The following RFX1 variants were observed in gnomAD, a reference collection of about 807,000 sequenced individuals.
RFX1 encodes MHC class II regulatory factor RFX1.
RFX1 carries 42 observed loss-of-function variants against 119.6 expected under a neutral mutation model. The observed-to-expected ratio is 0.35, with a 90% confidence interval of 0.27 to 0.45. RFX1 has a LOEUF of 0.45. RFX1 is among the 20% of genes least tolerant of loss of function. RFX1 has a pLI of 1.00. For missense variants in RFX1, 1,118 were observed against 1,368.1 expected (o/e 0.82, Z 2.88); for synonymous variants, 628 against 618.5 (o/e 1.02, Z -0.23).
rs1355649146 is a variant in RFX1, at chr19:13,965,826, GC to G, written c.1962-50del. ...GGTCACTGGGGTACTCTATGGTCCT[GC>G]CCCCATCGTCAGAAGGGAACAGGTA... On this transcript the variant is annotated intron_variant, in intron 14 of 20. Coordinates refer to ENST00000254325, the MANE Select transcript of RFX1 (RefSeq NM_002918.5). This position sits in a 1 kb window ranked among gnomAD's most constrained non-coding sequence, Gnocchi z 4.7. 1 of 1,596,088 alleles carries G rather than the reference GC, an allele frequency of 6.3e-7. No homozygotes were observed. Among genetic ancestry groups the G allele is most frequent in the South Asian group, 1.1e-5 (1 of 89,378 alleles).
intron 2 of RFX1, among the ~76,000 whole-genome samples, chr19:13,984,074 C>T (rs1745322767): frequency 6.6e-6 from 1 of 151,784 alleles, no homozygotes; most frequent in African/African-American, 2.4e-5. Flanking sequence ...TCTTGCTAGC[C>T]TGTGGCCAAG....
chr19:13,973,067 G>A lies in RFX1; in HGVS notation c.990C>T (p.Ser330=). 1.2e-6 allele frequency: 2 copies of A among 1,601,838 alleles called. No homozygotes were observed. Among genetic ancestry groups the A allele is most frequent in the East Asian group, 2.2e-5 (1 of 44,870 alleles). The part of the protein sequence containing the change: ...TPLYTQTAST[S]YYEAAGTATQ... ...TGGCCGTGCCTGCGGCCTCGTAGTA[G>A]CTGGTGCTTGCCGTCTGCGTGTACA... The change falls in exon 9 of 21, where the codon AGC becomes AGT. Residue 330 remains serine (S), a synonymous_variant. Coordinates refer to ENST00000254325, the MANE Select transcript of RFX1 (RefSeq NM_002918.5).
chr19:13,980,163 C>T lies in RFX1; in HGVS notation c.738+410G>A, dbSNP rs547936280. The stretch of plus-strand genomic sequence containing the variant: ...TGCGCAGCCCCAGCATCTTAACCTG[C>T]GCCGGCTCAGGGCTCTGCCTCCTGC... On this transcript the variant is annotated intron_variant, in intron 6 of 20. Transcript: ENST00000254325. This position sits in a 1 kb window ranked among gnomAD's most constrained non-coding sequence, Gnocchi z 5.1. Among the ~76,000 whole-genome samples, 3 of 152,178 alleles carry T rather than the reference C, an allele frequency of 2.0e-5. No homozygotes were observed. The highest frequency in any genetic ancestry group is 2.9e-5 in the Non-Finnish European group (2 of 68,028).
In RFX1 at chr19:13,968,744, C is replaced by T. The variant is rs1599478481; in HGVS notation, c.1616+31G>A. 3 of 1,608,886 alleles carry T rather than the reference C, an allele frequency of 1.9e-6. No homozygotes were observed. Among genetic ancestry groups the T allele is most frequent in the African/African-American group, 1.3e-5 (1 of 74,998 alleles). On this transcript the variant is annotated intron_variant, in intron 11 of 20. Coordinates refer to ENST00000254325, the MANE Select transcript of RFX1 (RefSeq NM_002918.5). The surrounding 1 kb of genome is among the most constrained non-coding windows in gnomAD (Gnocchi z 5.5). ...CGGCCTGTGTGCCCTTCCCCGCCTGCCCTGCCCTGGGTCCGGCCCTGCCTT... is the reference window on the plus strand; with the variant it reads ...CGGCCTGTGTGCCCTTCCCCGCCTGTCCTGCCCTGGGTCCGGCCCTGCCTT...
At position 13,980,731 on chromosome 19, in the gene RFX1, T is replaced by TGCATCCTATCTGGGGTGGGCTC; in HGVS notation, c.622-43_622-42insGAGCCCACCCCAGATAGGATGC. On this transcript the variant is annotated intron_variant, in intron 5 of 20. Coordinates refer to ENST00000254325, the MANE Select transcript of RFX1 (RefSeq NM_002918.5). This position sits in a 1 kb window ranked among gnomAD's most constrained non-coding sequence, Gnocchi z 5.1. ...CACAGGAGTGCCGCTGGGGTGGGCT[T>TGCATCCTATCTGGGGTGGGCTC]GCATCCTCTCTGAGGTGGGCTCACA... 1.7e-6 allele frequency: 2 copies of TGCATCCTATCTGGGGTGGGCTC among 1,201,552 alleles called. No individual in the cohort carries two copies. Among genetic ancestry groups the TGCATCCTATCTGGGGTGGGCTC allele is most frequent in the Non-Finnish European group, 2.4e-6 (2 of 842,376 alleles). 74.4% of individuals were successfully genotyped at this position (1,201,552 alleles called of 1,614,324 possible).
chr19:14,006,148 C>T lies in RFX1; in HGVS notation c.-98G>A, dbSNP rs959006570. 2 of 152,226 alleles carry T rather than the reference C, an allele frequency of 1.3e-5. No individual in the cohort carries two copies. The highest frequency in any genetic ancestry group is 2.4e-5 in the African/African-American group (1 of 41,438). The allele number at this position is 152,226 out of a possible 1,614,324, so 9.4% of individuals were successfully genotyped here. The stretch of plus-strand genomic sequence containing the variant: ...GTCTGCGGAAACGCTTTTCGGAGGT[C>T]TCGGAGTCGATGTTGGGAAGGGGAC... On this transcript the variant is annotated 5_prime_UTR_variant, in exon 1 of 21. Transcript: ENST00000254325.
chr19:13,997,009 C>T (rs540578209), intron 1 of RFX1, among the ~76,000 whole-genome samples: 2 of 152,300 alleles, frequency 1.3e-5, no homozygotes, highest in African/African-American at 4.8e-5. Flanking sequence ...CAGGCGTGAG[C>T]CACCGCGCCC....
chr19:13,988,326 C>A (rs552549585), intron 2 of RFX1, among the ~76,000 whole-genome samples: 1 of 152,260 alleles, frequency 6.6e-6, no homozygotes, highest in South Asian at 2.1e-4. Context: ...AGCACCAGGG[C>A]CCCCCTGAGG....
Position 13,963,119 on chromosome 19 carries a change from C to A in RFX1, c.2724+3G>T. On this transcript the variant is annotated splice_donor_region_variant and intron_variant, in intron 19 of 20. Transcript: ENST00000254325. ...CGCGCCCCCAGTGGCCCGCCTCGCG[C>A]ACCTCGCCCATGACGGCGATGGGGG... The A allele has an allele frequency of 6.2e-7, 1 of 1,610,854 alleles. No homozygotes were observed.
chr19:14,003,525 A>G (rs1975283637), intron 1 of RFX1, among the ~76,000 whole-genome samples: 1 of 152,248 alleles, frequency 6.6e-6, no homozygotes, highest in Non-Finnish European at 1.5e-5. Context: ...AGGGTTGAAC[A>G]GGAAGCGACA....
intron 1 of RFX1, among the ~76,000 whole-genome samples, chr19:13,997,105 G>A (rs1038507855): frequency 1.3e-5 from 2 of 152,116 alleles, no homozygotes; most frequent in African/African-American, 4.8e-5. Flanking sequence ...CAAAGGTTAC[G>A]CCCCCTGCCC....
rs1167910642 is a variant in RFX1, at chr19:13,970,661, C to CAAAAAAAAAAAAAAAAAAAAAA, written c.1315-508_1315-487dup. Among the ~76,000 whole-genome samples the CAAAAAAAAAAAAAAAAAAAAAA allele has an allele frequency of 7.7e-5, 2 of 25,828 alleles. 1 individual carries two copies. Among genetic ancestry groups the CAAAAAAAAAAAAAAAAAAAAAA allele is most frequent in the Non-Finnish European group, 1.5e-4 (2 of 13,140 alleles). The allele number at this position is 25,828 out of a possible 152,430, so 16.9% of individuals were successfully genotyped here. ...GCCTGGATACAGTGAGACCTTGTCT[C>CAAAAAAAAAAAAAAAAAAAAAA]AAAAAAAAAAAAAAAAAAAAAAAAA... On this transcript the variant is annotated intron_variant, in intron 9 of 20. Coordinates refer to ENST00000254325, the MANE Select transcript of RFX1 (RefSeq NM_002918.5).
intron 18 of RFX1, 21 bp downstream of exon 18, chr19:13,963,517 C>A (rs1403170317): frequency 6.3e-7 from 1 of 1,587,712 alleles, no homozygotes; most frequent in South Asian, 1.1e-5. Context: ...CCGCCCGGAC[C>A]CGATCCCGCC....
rs1362367226 is a variant in RFX1, at chr19:13,963,657, C to T, written c.2451G>A (p.Ser817=). The part of the protein sequence containing the change: ...DFKVTLQQQN[S]LEQWAAWLDG... ...CCAGCCAGGCCGCCCACTGCTCCAG[C>T]GAGTTCTGCTGCTGCAGCGTCACCT... Residue 817 remains serine, a synonymous_variant, in exon 18 of 21, where the codon TCG becomes TCA. Coordinates refer to ENST00000254325, the MANE Select transcript of RFX1 (RefSeq NM_002918.5). 3 of 1,602,838 alleles carry T rather than the reference C, an allele frequency of 1.9e-6. No homozygotes were observed. Among genetic ancestry groups the T allele is most frequent in the Non-Finnish European group, 1.7e-6 (2 of 1,177,512 alleles).
At chr19:13,997,804 A>C (rs181876910) in intron 1 of RFX1, among the ~76,000 whole-genome samples, 103 of 152,148 alleles carry the variant, frequency 6.8e-4, no homozygotes, top group Non-Finnish European at 1.3e-3. Flanking sequence ...GGGCCTTCCC[A>C]CCTAGCAGGT....
Position 13,972,897 on chromosome 19 carries a change from C to T in RFX1, c.1160G>A (p.Gly387Asp), listed in dbSNP as rs1974130308. ...SNSSGGGGSGGGGGGGGGGGG... is the reference protein window; with the variant it reads ...SNSSGGGGSGDGGGGGGGGGG... ...ACCGCCTCCCCCGCCGCCGCCGCCA[C>T]CACCACTGCCACCACCTCCGCTGCT... Residue 387 changes from glycine (G) to aspartate (D), a missense_variant, in exon 9 of 21, where the codon GGT becomes GAT. Gly to Asp is a moderately conservative substitution (Grantham distance 94). Coordinates refer to ENST00000254325, the MANE Select transcript of RFX1 (RefSeq NM_002918.5). 1.9e-6 allele frequency: 3 copies of T among 1,584,766 alleles called. No homozygotes were observed. Among genetic ancestry groups the T allele is most frequent in the Non-Finnish European group, 2.6e-6 (3 of 1,172,282 alleles).
intron 1 of RFX1, among the ~76,000 whole-genome samples, chr19:14,002,314 CAAAAAAA>C (rs753879311): frequency 1.8e-5 from 1 of 55,692 alleles, no homozygotes; most frequent in East Asian, 5.0e-4. Flanking sequence ...GACTCTGTCT[CAAAAAAA>C]AAAAAAAAAA....
At position 13,966,059 on chromosome 19, in the gene RFX1, C is replaced by G. The variant is rs935545346; in HGVS notation, c.1962-282G>C. On this transcript the variant is annotated intron_variant, in intron 14 of 20. Coordinates refer to ENST00000254325, the MANE Select transcript of RFX1 (RefSeq NM_002918.5). The surrounding 1 kb of genome is among the most constrained non-coding windows in gnomAD (Gnocchi z 6.3). ...CCCTGCCCCCAGCGTCAGAAGGGCA[C>G]AGGTACCCCCGTCCCCAGGTAAGTA... 1.3e-5 allele frequency among the ~76,000 whole-genome samples: 2 copies of G among 152,128 alleles called. No individual in the cohort carries two copies. The highest frequency in any genetic ancestry group is 2.4e-5 in the African/African-American group (1 of 41,416).
At chr19:13,979,989 T>A (rs1974376997) in intron 6 of RFX1, among the ~76,000 whole-genome samples, 1 of 151,046 alleles carries the variant, frequency 6.6e-6, no homozygotes, top group Non-Finnish European at 1.5e-5. Flanking sequence ...GGTCTGGAGG[T>A]TCGGGGGGGC....
Sources: gnomAD v4.1 joint callset for allele counts (sites outside exome capture counted in the v4.1 genomes callset) on GRCh38, gnomAD v4.1.1 for gene constraint, Gnocchi (gnomAD v3.1) non-coding constraint, MANE v1.5 for transcripts, NCBI Gene and HGNC (gene_info 2026-07-23, HGNC 2026-07-21) for gene names.